The following GFOD1 variants were observed in gnomAD, a reference collection of about 807,000 sequenced individuals.
GFOD1 encodes the protein glucose-fructose oxidoreductase domain-containing protein 1.
GFOD1 carries 9 observed loss-of-function variants against 25.4 expected under a neutral mutation model. That is an observed-to-expected ratio of 0.35 (90% CI 0.21 to 0.62). The LOEUF is 0.62. GFOD1 is among the 20% of genes least tolerant of loss of function. The pLI, the probability that GFOD1 is intolerant of heterozygous loss-of-function variation, is 0.72. For missense variants in GFOD1, 403 were observed against 556.9 expected, an observed-to-expected ratio of 0.72 and a Z score of 2.78; for synonymous variants, 253 against 245.6, an observed-to-expected ratio of 1.03 and a Z score of -0.28.
In GFOD1 at chr6:13,451,894, C is replaced by T. The variant is rs749495596; in HGVS notation, c.253+34744G>A. Among the ~76,000 whole-genome samples the T allele has an allele frequency of 5.7e-4, 87 of 152,224 alleles. 1 individual carries two copies. Among genetic ancestry groups the T allele is most frequent in the Non-Finnish European group, 1.3e-4 (9 of 68,026 alleles). ...CCCACTCACCACCACAATTTTCCATCCTCATGCAAACGGGAAGCAGACACA... is the reference window on the plus strand; with the variant it reads ...CCCACTCACCACCACAATTTTCCATTCTCATGCAAACGGGAAGCAGACACA... On this transcript the variant is annotated intron_variant, in intron 1 of 1. Coordinates refer to ENST00000379287, the MANE Select transcript of GFOD1 (RefSeq NM_018988.4).
At chr6:13,425,638 C>T (rs562165788) in intron 1 of GFOD1, among the ~76,000 whole-genome samples, 1 of 152,298 alleles carries the variant, frequency 6.6e-6, no homozygotes, top group South Asian at 2.1e-4. Context: ...GCAGCTTCCT[C>T]ACCAGTATAC....
rs60733886 is a variant in GFOD1 at position 13,363,211 on chromosome 6, C to CTGTGTGTGTGTGTGTG, written c.*1516_*1531dup. On this transcript the variant is annotated 3_prime_UTR_variant, in exon 2 of 2. Coordinates refer to ENST00000379287, the MANE Select transcript of GFOD1 (RefSeq NM_018988.4). ...TTGTCGGTAGCAACCATTCAAAAAT[C>CTGTGTGTGTGTGTGTG]TGTGTGTGTGTGTGTGTGTGTGTGT... 4.0e-5 allele frequency: 6 copies of CTGTGTGTGTGTGTGTG among 148,628 alleles called. No homozygotes were observed. Among genetic ancestry groups the CTGTGTGTGTGTGTGTG allele is most frequent in the African/African-American group, 1.5e-4 (6 of 40,232 alleles). 9.2% of individuals were successfully genotyped at this position (148,628 alleles called of 1,614,324 possible).
chr6:13,433,118 C>CTTTT (rs34908391), intron 1 of GFOD1, among the ~76,000 whole-genome samples: 1 of 133,664 alleles, frequency 7.5e-6, no homozygotes. Context: ...TGCTGGGTCC[C>CTTTT]TTTTTTTTTT....
chr6:13,409,385 AAGG>A (rs1786029940), intron 1 of GFOD1, among the ~76,000 whole-genome samples: 1 of 151,374 alleles, frequency 6.6e-6, no homozygotes, highest in Non-Finnish European at 1.5e-5. Context: ...GGAAGGAAGG[AAGG>A]AAGGAAAAAA....
chr6:13,443,918 C>T (rs1047452372), intron 1 of GFOD1, among the ~76,000 whole-genome samples: 3 of 151,942 alleles, frequency 2.0e-5, no homozygotes, highest in South Asian at 2.1e-4. Context: ...GACCCTCTAC[C>T]GGCAAAAGGA....
chr6:13,369,368 T>C (rs1785105180), intron 1 of GFOD1, among the ~76,000 whole-genome samples: 1 of 152,260 alleles, frequency 6.6e-6, no homozygotes, highest in South Asian at 2.1e-4. Context: ...TAGTTTTGAC[T>C]GCATTATTTA....
At chr6:13,485,710 G>A (rs995415000) in intron 1 of GFOD1, among the ~76,000 whole-genome samples, 1 of 152,162 alleles carries the variant, frequency 6.6e-6, no homozygotes. Context: ...CAGATGGTGA[G>A]GCACCCTGAA....
At chr6:13,380,395 C>T (rs1304271763) in intron 1 of GFOD1, among the ~76,000 whole-genome samples, 1 of 152,232 alleles carries the variant, frequency 6.6e-6, no homozygotes, top group African/African-American at 2.4e-5. Context: ...AATACACTTA[C>T]TGTAGGGCTC....
chr6:13,402,118 A>G (rs1003277011), intron 1 of GFOD1, among the ~76,000 whole-genome samples: 4 of 152,236 alleles, frequency 2.6e-5, no homozygotes, highest in Admixed American at 6.5e-5. Flanking sequence ...GTGGTGCTAG[A>G]ACAACTGGCT....
intron 1 of GFOD1, among the ~76,000 whole-genome samples, chr6:13,366,001 G>A (rs1406697559): frequency 6.6e-6 from 1 of 151,066 alleles, no homozygotes; most frequent in Non-Finnish European, 1.5e-5. Context: ...GAGCCCAGGA[G>A]GTTGAGGCTG....
chr6:13,394,413 C>T lies in GFOD1; in HGVS notation c.254-28751G>A, dbSNP rs562530588. Among the ~76,000 whole-genome samples the T allele has an allele frequency of 4.6e-3, 633 of 136,278 alleles. 5 individuals are homozygous for T. The highest frequency in any genetic ancestry group is 4.9e-3 in the Non-Finnish European group (317 of 64,062). 89.4% of individuals were successfully genotyped at this position (136,278 alleles called of 152,430 possible). On this transcript the variant is annotated intron_variant, in intron 1 of 1. Coordinates refer to ENST00000379287, the MANE Select transcript of GFOD1 (RefSeq NM_018988.4). ...TCTGGGCAGGAGAACGGGTGTCTGG[C>T]GGGGGGAAGGATGGAAGGAGCTTTT... is the stretch of plus-strand genomic sequence containing the variant.
intron 1 of GFOD1, among the ~76,000 whole-genome samples, chr6:13,413,154 C>CT (rs1363688637): frequency 1.3e-5 from 2 of 152,226 alleles, no homozygotes; most frequent in East Asian, 1.9e-4. Flanking sequence ...GTTTTGCCCT[C>CT]TTTTTTCAGT....
intron 1 of GFOD1, among the ~76,000 whole-genome samples, chr6:13,464,582 T>C (rs1460426709): frequency 1.3e-5 from 2 of 152,146 alleles, no homozygotes; most frequent in African/African-American, 4.8e-5. Flanking sequence ...AGATATTGGG[T>C]GACACACTTT....
At chr6:13,427,593 G>A (rs1484767985) in intron 1 of GFOD1, among the ~76,000 whole-genome samples, 1 of 152,182 alleles carries the variant, frequency 6.6e-6, no homozygotes, top group Non-Finnish European at 1.5e-5. Flanking sequence ...CAACGCTACA[G>A]TGAGCTGTGA....
chr6:13,374,279 G>T (rs572967808), intron 1 of GFOD1, among the ~76,000 whole-genome samples: 126 of 146,912 alleles, frequency 8.6e-4, no homozygotes, highest in African/African-American at 2.6e-3. Context: ...TTTTTTGTGT[G>T]TGTGTGTGTG....
intron 1 of GFOD1, among the ~76,000 whole-genome samples, chr6:13,376,627 G>T (rs1476748961): frequency 1.3e-5 from 2 of 152,232 alleles, no homozygotes; most frequent in African/African-American, 4.8e-5. Flanking sequence ...ATTGGGTTGG[G>T]TGAGATTGCT....
At chr6:13,469,453 C>G (rs1468220272) in intron 1 of GFOD1, 2 of 988,190 alleles carry the variant, frequency 2.0e-6, no homozygotes, top group Non-Finnish European at 2.4e-6. Context: ...AGTTCCAGTT[C>G]AGTCACCATT....
rs543799823 is a variant in GFOD1, at chr6:13,424,718, T to G, written c.254-59056A>C. ...TGGTTATTCCTCATTGATACAAGGG[T>G]TTTTTTTCTTTCAAAAAGTCTTCCT... On this transcript the variant is annotated intron_variant, in intron 1 of 1. Transcript: ENST00000379287. 1.3e-3 allele frequency among the ~76,000 whole-genome samples: 174 copies of G among 133,964 alleles called. 1 individual carries two copies. The highest frequency in any genetic ancestry group is 2.9e-3 in the South Asian group (11 of 3,778). The allele number at this position is 133,964 out of a possible 152,430, so 87.9% of individuals were successfully genotyped here.
chr6:13,373,850 T>C (rs1173595905), intron 1 of GFOD1, among the ~76,000 whole-genome samples: 1 of 150,986 alleles, frequency 6.6e-6, no homozygotes, highest in Non-Finnish European at 1.5e-5. Flanking sequence ...TGTCTAAATC[T>C]CACTCTTCCC....
Sources: allele counts gnomAD v4.1 joint callset (sites outside exome capture counted in the v4.1 genomes callset), GRCh38; gene constraint gnomAD v4.1.1; transcripts MANE v1.5; gene names NCBI Gene and HGNC (gene_info 2026-07-23, HGNC 2026-07-21).